CSMD1: variants seen among roughly 807,000 people sequenced by gnomAD.
The protein encoded by CSMD1 is CUB and Sushi multiple domains 1.
A neutral mutation model predicts 417.5 loss-of-function variants in CSMD1; 213 were observed. The ratio of observed to expected loss-of-function variants is 0.51; its 90% confidence interval spans 0.46 to 0.57. The LOEUF (loss-of-function observed/expected upper bound fraction) is 0.57, where lower values mean the gene tolerates loss of function less well. Ranked by LOEUF, CSMD1 falls within the 20% of genes least tolerant of loss-of-function variation. CSMD1 has a pLI of 0.00. For synonymous variants in CSMD1, 2,862 were observed against 1,736.8 expected, an observed-to-expected ratio of 1.65 and a Z score of -16.11; for missense variants, 6,923 against 4,529.7, an observed-to-expected ratio of 1.53 and a Z score of -15.17.
At chr8:4,097,845 G>A (rs577098256) in intron 3 of CSMD1, among the ~76,000 whole-genome samples, 8 of 152,256 alleles carry the variant, frequency 5.3e-5, no homozygotes, top group East Asian at 3.9e-4. Flanking sequence ...TTCAGACAAC[G>A]TTCTATTACA....
At chr8:4,182,947 T>C (rs976702131) in intron 3 of CSMD1, among the ~76,000 whole-genome samples, 2 of 152,050 alleles carry the variant, frequency 1.3e-5, no homozygotes, top group Non-Finnish European at 2.9e-5. Context: ...CAAATGAAGA[T>C]AATGGCCAAT....
chr8:4,731,141 G>C (rs1194244233), intron 1 of CSMD1, among the ~76,000 whole-genome samples: 7 of 152,142 alleles, frequency 4.6e-5, no homozygotes, highest in South Asian at 2.1e-4. Context: ...AGATGGCTTC[G>C]AGTAGCATTT....
intron 5 of CSMD1, among the ~76,000 whole-genome samples, chr8:3,922,886 A>C (rs1343450430): frequency 6.6e-6 from 1 of 152,168 alleles, no homozygotes; most frequent in Non-Finnish European, 1.5e-5. Context: ...TTAAATATTA[A>C]ATTTCAACTC....
At chr8:4,489,262 A>C (rs7843371) in intron 2 of CSMD1, among the ~76,000 whole-genome samples, 7,356 of 152,218 alleles carry the variant, frequency 0.048, 613 homozygotes, top group African/African-American at 0.17. Flanking sequence ...CCTTTTTCTA[A>C]GAATAAGCAA....
At chr8:4,809,685 G>T (rs894408332) in intron 1 of CSMD1, among the ~76,000 whole-genome samples, 1 of 152,170 alleles carries the variant, frequency 6.6e-6, no homozygotes, top group South Asian at 2.1e-4. Context: ...GGCTAAAACT[G>T]AGTTTGATAT....
chr8:3,696,216 C>G (rs531814180), intron 7 of CSMD1, among the ~76,000 whole-genome samples: 1 of 152,254 alleles, frequency 6.6e-6, no homozygotes, highest in East Asian at 1.9e-4. Flanking sequence ...ACAGACAGTT[C>G]AAACCATAAA....
chr8:3,515,738 G>A (rs1402524909), intron 10 of CSMD1, among the ~76,000 whole-genome samples: 3 of 152,204 alleles, frequency 2.0e-5, no homozygotes, highest in South Asian at 2.1e-4. Context: ...TAATTCAGGT[G>A]TATGCCTTCC....
At chr8:3,977,187 C>T (rs1001333695) in intron 5 of CSMD1, among the ~76,000 whole-genome samples, 3 of 152,064 alleles carry the variant, frequency 2.0e-5, no homozygotes, top group African/African-American at 7.2e-5. Flanking sequence ...TTTCCATTTC[C>T]CTGGGATCAC....
rs200316979 is a variant in CSMD1, at chr8:3,350,856, A to T, written c.3305-2695T>A. Among the ~76,000 whole-genome samples, 231 of 104,182 alleles carry T rather than the reference A, an allele frequency of 2.2e-3. 1 individual carries two copies. The highest frequency in any genetic ancestry group is 9.0e-3 in the South Asian group (34 of 3,774). The allele number at this position is 104,182 out of a possible 152,430, so 68.3% of individuals were successfully genotyped here. A position where few individuals can be genotyped will look rare whatever the true frequency, so the allele number is the denominator to read the frequency against. On this transcript the variant is annotated intron_variant, in intron 21 of 69. Transcript: ENST00000635120. ...GCCTTTGGAATCTGGGATTTTTTTT[A>T]AAAAAAGCAGATATATAATAAATGG...
chr8:4,237,265 A>G (rs2128818923), intron 3 of CSMD1, among the ~76,000 whole-genome samples: 1 of 152,326 alleles, frequency 6.6e-6, no homozygotes, highest in Admixed American at 6.5e-5. Context: ...GAAGAGATTC[A>G]GAGTGAGGGT....
chr8:3,041,096 A>C (rs1352589480), intron 50 of CSMD1, among the ~76,000 whole-genome samples: 1 of 152,196 alleles, frequency 6.6e-6, no homozygotes, highest in African/African-American at 2.4e-5. Context: ...AAAATGGCTG[A>C]GCAGAACTTA....
chr8:4,704,341 G>C (rs1411670246), intron 1 of CSMD1, among the ~76,000 whole-genome samples: 1 of 152,168 alleles, frequency 6.6e-6, no homozygotes, highest in Non-Finnish European at 1.5e-5. Flanking sequence ...CAAATCAGTT[G>C]TCTGGGACTT....
intron 6 of CSMD1, among the ~76,000 whole-genome samples, chr8:3,732,115 G>C (rs986961301): frequency 6.6e-6 from 1 of 152,164 alleles, no homozygotes; most frequent in Admixed American, 6.5e-5. Context: ...GAGGGCCTTG[G>C]AGGAGAGGGC....
chr8:4,131,550 T>A (rs189242461), intron 3 of CSMD1, among the ~76,000 whole-genome samples: 3 of 152,300 alleles, frequency 2.0e-5, no homozygotes, highest in African/African-American at 7.2e-5. Context: ...TCTTTAACTG[T>A]AGAAAATATT....
At chr8:3,948,539 T>A (rs772150889) in intron 5 of CSMD1, among the ~76,000 whole-genome samples, 2 of 152,160 alleles carry the variant, frequency 1.3e-5, no homozygotes, top group Non-Finnish European at 2.9e-5. Flanking sequence ...ATATATATTA[T>A]ATTTGGTTGC....
chr8:4,864,902 A>AAACG (rs1802339379), intron 1 of CSMD1, among the ~76,000 whole-genome samples: 1 of 151,110 alleles, frequency 6.6e-6, no homozygotes, highest in African/African-American at 2.4e-5. Context: ...ACACAAACAC[A>AAACG]CACACACACA....
intron 3 of CSMD1, among the ~76,000 whole-genome samples, chr8:4,229,275 C>A (rs918598399): frequency 6.6e-5 from 10 of 152,308 alleles, no homozygotes; most frequent in African/African-American, 2.2e-4. Context: ...GCAATCCTCC[C>A]CACCTCATTC....
chr8:3,312,884 AG>A (rs1805459940), intron 23 of CSMD1, among the ~76,000 whole-genome samples: 1 of 152,210 alleles, frequency 6.6e-6, no homozygotes. Flanking sequence ...GATACAGCCT[AG>A]CCTGCTGTTT....
At chr8:4,818,254 G>A (rs568940398) in intron 1 of CSMD1, among the ~76,000 whole-genome samples, 44 of 152,160 alleles carry the variant, frequency 2.9e-4, no homozygotes, top group African/African-American at 7.7e-4. Context: ...TCTTTGTAAC[G>A]ATTTTCTCGT....
Sources: allele counts gnomAD v4.1 joint callset (sites outside exome capture counted in the v4.1 genomes callset), GRCh38; gene constraint gnomAD v4.1.1; transcripts MANE v1.5; gene names NCBI Gene and HGNC (gene_info 2026-07-23, HGNC 2026-07-21).